CNTN5: variants seen among roughly 807,000 people sequenced by gnomAD.
CNTN5 encodes contactin 5.
A neutral mutation model predicts 129.1 loss-of-function variants in CNTN5; 77 were observed. The ratio of observed to expected loss-of-function variants is 0.60; its 90% CI spans 0.50 to 0.72. The LOEUF is 0.72. Among genes scored for constraint, CNTN5 ranks in the 30% least tolerant of loss-of-function variants. The pLI, the probability that CNTN5 is intolerant of heterozygous loss-of-function variation, is 0.00. For missense variants in CNTN5, 1,478 were observed against 1,328.8 expected, an observed-to-expected ratio of 1.11 and a Z score of -1.75; for synonymous variants, 509 against 465.6, an observed-to-expected ratio of 1.09 and a Z score of -1.20.
intron 21 of CNTN5, among the ~76,000 whole-genome samples, chr11:100,310,790 C>T (rs1012327719): frequency 4.0e-5 from 6 of 151,782 alleles, no homozygotes; most frequent in South Asian, 2.1e-4. Flanking sequence ...TAATGAGAGA[C>T]GGCAGAGAGA....
intron 2 of CNTN5, among the ~76,000 whole-genome samples, chr11:99,536,431 G>A (rs914811480): frequency 2.6e-5 from 4 of 151,984 alleles, no homozygotes; most frequent in African/African-American, 9.7e-5. Context: ...TGTGCTCTAA[G>A]GAATCTTAAA....
chr11:99,440,336 T>C (rs969396960), intron 2 of CNTN5, among the ~76,000 whole-genome samples: 6 of 152,048 alleles, frequency 3.9e-5, no homozygotes, highest in African/African-American at 7.2e-5. Context: ...TTACTAACAT[T>C]TAAAATCTGA....
intron 9 of CNTN5, among the ~76,000 whole-genome samples, chr11:100,009,130 G>T (rs1256375209): frequency 6.6e-6 from 1 of 151,982 alleles, no homozygotes; most frequent in Admixed American, 6.6e-5. Context: ...TTGAAGTTAG[G>T]TAAAAAGTCT....
intron 3 of CNTN5, among the ~76,000 whole-genome samples, chr11:99,592,649 GA>G (rs1384335519): frequency 6.6e-6 from 1 of 151,704 alleles, no homozygotes; most frequent in East Asian, 1.9e-4. Context: ...AGAAAGAAAA[GA>G]AAAGGGAAAA....
intron 13 of CNTN5, among the ~76,000 whole-genome samples, chr11:100,123,919 C>T (rs1380678049): frequency 6.6e-6 from 1 of 151,962 alleles, no homozygotes; most frequent in African/African-American, 2.4e-5. Flanking sequence ...ACTATGTCAT[C>T]ATCAACTTAA....
At position 99,154,710 on chromosome 11, in the gene CNTN5, C is replaced by T. The variant is rs546599671; in HGVS notation, c.-210+133440C>T. 1.2e-3 allele frequency among the ~76,000 whole-genome samples: 185 copies of T among 152,194 alleles called. 1 individual carries two copies. Among genetic ancestry groups the T allele is most frequent in the South Asian group, 3.9e-3 (19 of 4,818 alleles). ...CTGTCTGCTGTAATAGGTGCTCCGC[C>T]GAGGACCTCCAGGAAGCACCCAGGT... is the stretch of plus-strand genomic sequence containing the variant. On this transcript the variant is annotated intron_variant, in intron 1 of 24. Coordinates refer to ENST00000524871, the MANE Select transcript of CNTN5 (RefSeq NM_014361.4).
intron 3 of CNTN5, among the ~76,000 whole-genome samples, chr11:99,768,875 A>G (rs1944847820): frequency 6.6e-6 from 1 of 152,120 alleles, no homozygotes; most frequent in East Asian, 1.9e-4. Context: ...ATATTATGCT[A>G]CTCCACAGTT....
chr11:99,068,138 C>T (rs1296594708), intron 1 of CNTN5, among the ~76,000 whole-genome samples: 2 of 152,130 alleles, frequency 1.3e-5, no homozygotes, highest in Non-Finnish European at 2.9e-5. Context: ...AACCTCTTTT[C>T]TTTATGAATT....
chr11:99,781,291 T>C (rs1945301743), intron 3 of CNTN5, among the ~76,000 whole-genome samples: 1 of 152,054 alleles, frequency 6.6e-6, no homozygotes, highest in Non-Finnish European at 1.5e-5. Flanking sequence ...ATTGCTCAAC[T>C]CAACAGTGGA....
At chr11:100,200,613 G>C (rs985530955) in intron 15 of CNTN5, among the ~76,000 whole-genome samples, 4 of 151,858 alleles carry the variant, frequency 2.6e-5, no homozygotes, top group Admixed American at 2.0e-4. Flanking sequence ...CTCTCTGATA[G>C]AGAAAGGCAA....
intron 2 of CNTN5, among the ~76,000 whole-genome samples, chr11:99,502,164 G>A (rs1946448622): frequency 6.6e-6 from 1 of 152,194 alleles, no homozygotes; most frequent in African/African-American, 2.4e-5. Flanking sequence ...TAACATCTAT[G>A]TTGGATGGTT....
chr11:99,554,306 T>C (rs182996173), intron 2 of CNTN5, among the ~76,000 whole-genome samples: 2 of 152,236 alleles, frequency 1.3e-5, no homozygotes, highest in Admixed American at 1.3e-4. Flanking sequence ...CTTTCCACAC[T>C]GTTCCACTCA....
chr11:100,090,283 C>A (rs1329418180), intron 13 of CNTN5, among the ~76,000 whole-genome samples: 3 of 152,036 alleles, frequency 2.0e-5, no homozygotes, highest in East Asian at 3.9e-4. Flanking sequence ...ACCTTGAGAA[C>A]TAGAGAAAGA....
chr11:99,805,071 G>A (rs545574775), intron 3 of CNTN5, among the ~76,000 whole-genome samples: 17 of 152,120 alleles, frequency 1.1e-4, no homozygotes, highest in African/African-American at 2.4e-4. Flanking sequence ...TATAAATTTC[G>A]ACAAAGAGAG....
At chr11:99,592,043 C>A (rs1182816970) in intron 3 of CNTN5, among the ~76,000 whole-genome samples, 1 of 152,078 alleles carries the variant, frequency 6.6e-6, no homozygotes. Context: ...GGACTGTTTA[C>A]TAAAGGGTGA....
chr11:99,810,120 CAAG>C (rs1256728511), intron 3 of CNTN5, among the ~76,000 whole-genome samples: 2 of 152,128 alleles, frequency 1.3e-5, no homozygotes, highest in East Asian at 3.9e-4. Flanking sequence ...AAATACAAAA[CAAG>C]AAAACTGTTA....
chr11:99,995,224 G>C (rs1939365147), intron 8 of CNTN5, among the ~76,000 whole-genome samples: 1 of 151,910 alleles, frequency 6.6e-6, no homozygotes, highest in Admixed American at 6.6e-5. Flanking sequence ...TTTCTGATCT[G>C]TCAGAGATGG....
chr11:99,929,662 T>C (rs1219186394), intron 7 of CNTN5, among the ~76,000 whole-genome samples: 1 of 152,132 alleles, frequency 6.6e-6, no homozygotes, highest in Non-Finnish European at 1.5e-5. Context: ...TTGTGAGAAC[T>C]TACTGACTTC....
At chr11:100,164,448 A>G (rs987252865) in intron 13 of CNTN5, among the ~76,000 whole-genome samples, 5 of 151,792 alleles carry the variant, frequency 3.3e-5, no homozygotes, top group Non-Finnish European at 5.9e-5. Flanking sequence ...CATTAGGCTC[A>G]TGAATAAATA....
Sources: allele counts gnomAD v4.1 joint callset (sites outside exome capture counted in the v4.1 genomes callset), GRCh38; gene constraint gnomAD v4.1.1; transcripts MANE v1.5; gene names NCBI Gene and HGNC (gene_info 2026-07-23, HGNC 2026-07-21).